Variants in TRAF3IP1 observed in about 807,000 individuals in gnomAD.
TRAF3IP1 encodes TRAF3-interacting protein 1.
In TRAF3IP1, 53 loss-of-function variants were observed where a neutral mutation model predicts 89.9. The ratio of observed to expected loss-of-function variants is 0.59; its 90% confidence interval spans 0.47 to 0.74. TRAF3IP1 has a LOEUF of 0.74. Ranked by LOEUF, TRAF3IP1 falls within the 30% of genes least tolerant of loss-of-function variation. TRAF3IP1 has a pLI of 0.00. For synonymous variants in TRAF3IP1, 311 were observed against 322.1 expected (o/e 0.97, Z 0.37); for missense variants, 806 against 866.1 (o/e 0.93, Z 0.87).
intron 3 of TRAF3IP1, among the ~76,000 whole-genome samples, chr2:238,327,460 G>A (rs929269787): frequency 4.6e-5 from 7 of 152,216 alleles, no homozygotes; most frequent in African/African-American, 1.7e-4. Context: ...GTGAGTCAGT[G>A]GGACTCCTGA....
chr2:238,371,627 C>T (rs59296449), intron 15 of TRAF3IP1, among the ~76,000 whole-genome samples: 2,236 of 152,266 alleles, frequency 0.015, 52 homozygotes, highest in African/African-American at 0.051. Flanking sequence ...GCGCAGTGGC[C>T]ACTCGCCCAT....
intron 15 of TRAF3IP1, among the ~76,000 whole-genome samples, chr2:238,362,736 A>G (rs1699715564): frequency 1.3e-5 from 2 of 152,232 alleles, no homozygotes; most frequent in African/African-American, 2.4e-5. Flanking sequence ...CATTATCACA[A>G]ACTAGAACGT....
At chr2:238,370,273 ATGTC>A (rs563297748) in intron 15 of TRAF3IP1, among the ~76,000 whole-genome samples, 65 of 151,350 alleles carry the variant, frequency 4.3e-4, no homozygotes, top group Admixed American at 9.2e-4. Flanking sequence ...GTCTATGTGA[ATGTC>A]TGTGTCTGTG....
intron 15 of TRAF3IP1, among the ~76,000 whole-genome samples, chr2:238,369,544 G>A (rs1700018983): frequency 6.6e-6 from 1 of 151,974 alleles, no homozygotes. Context: ...CTGGCCCCCG[G>A]TTTGGGTTTG....
chr2:238,320,714 C>T lies in TRAF3IP1; in HGVS notation c.52C>T (p.Arg18Trp), dbSNP rs1238300900. Residue 18 changes from arginine to tryptophan, a missense_variant, in exon 1 of 17, where the codon CGG (arginine) becomes TGG (tryptophan). Arg to Trp is a moderately radical substitution (Grantham distance 101). Transcript: ENST00000373327. ...RTQEALGKVI[R>W]RPPLTEKLLS... ...GCAGGAGGCGCTGGGGAAAGTGATT[C>T]GGAGGCCGCCGCTGACCGAGAAGCT... 9.7e-6 allele frequency: 14 copies of T among 1,446,670 alleles called. No homozygotes were observed. Among genetic ancestry groups the T allele is most frequent in the African/African-American group, 3.0e-5 (2 of 67,478 alleles). The allele number at this position is 1,446,670 out of a possible 1,614,324, so 89.6% of individuals were successfully genotyped here.
chr2:238,350,453 C>T (rs1699099602), intron 12 of TRAF3IP1, among the ~76,000 whole-genome samples: 1 of 152,036 alleles, frequency 6.6e-6, no homozygotes, highest in Non-Finnish European at 1.5e-5. Context: ...GTAAGAGGGT[C>T]TGGGGGAAGA....
intron 15 of TRAF3IP1, among the ~76,000 whole-genome samples, chr2:238,360,300 A>G (rs182839102): frequency 1.6e-3 from 247 of 152,330 alleles, no homozygotes; most frequent in Non-Finnish European, 3.0e-3. Context: ...GCTGAGGCAT[A>G]CGGTAAGTGT....
chr2:238,331,969 T>C (rs1035240674), intron 5 of TRAF3IP1, among the ~76,000 whole-genome samples: 2 of 152,216 alleles, frequency 1.3e-5, no homozygotes, highest in African/African-American at 4.8e-5. Context: ...GGTGAAATAG[T>C]AGATATGAAA....
chr2:238,344,711 G>T lies in TRAF3IP1; in HGVS notation c.1261+113G>T, dbSNP rs115488203. The T allele has an allele frequency of 3.5e-6, 3 of 868,114 alleles. No individual in the cohort carries two copies. The African/African-American group carries it at 5.0e-5, about 15-fold the overall frequency. The allele number at this position is 868,114 out of a possible 1,614,324, so 53.8% of individuals were successfully genotyped here. A position where few individuals can be genotyped will look rare whatever the true frequency, so the allele number is the denominator to read the frequency against. ...CGAGGTTTTCCTCTTGGGTCTGAAC[G>T]TGGCAAGTGATTCACAGTGATTCAC... is the stretch of plus-strand genomic sequence containing the variant. On this transcript the variant is annotated intron_variant, in intron 9 of 16. Transcript: ENST00000373327.
Position 238,372,850 on chromosome 2 carries a change from G to T in TRAF3IP1, c.1689+16770G>T, listed in dbSNP as rs184760218. ...TAACTGGCGTGAGATGGTATCTCAT[G>T]GTGGTTTTGATTTGCATTTTTCTGA... On this transcript the variant is annotated intron_variant, in intron 15 of 16. Coordinates refer to ENST00000373327, the MANE Select transcript of TRAF3IP1 (RefSeq NM_015650.4). Among the ~76,000 whole-genome samples, 72 of 152,244 alleles carry T rather than the reference G, an allele frequency of 4.7e-4. No individual in the cohort carries two copies. In the East Asian group the frequency reaches 0.013, roughly 27 times the overall value.
rs532934948 is a variant in TRAF3IP1 at position 238,361,747 on chromosome 2, G to A, written c.1689+5667G>A. Among the ~76,000 whole-genome samples the A allele has an allele frequency of 6.2e-4, 94 of 152,238 alleles. 3 individuals carry two copies. The South Asian group carries it at 0.017, about 28-fold the overall frequency. Reference sequence around the variant, plus strand: ...GTCTTGATTGTGAGTAAGTCTTTATGGCTTTATATAATTGTGGGATCAGTT... The same window carrying A: ...GTCTTGATTGTGAGTAAGTCTTTATAGCTTTATATAATTGTGGGATCAGTT... On this transcript the variant is annotated intron_variant, in intron 15 of 16. Transcript: ENST00000373327.
At chr2:238,386,786 C>G (rs1278193229) in intron 15 of TRAF3IP1, among the ~76,000 whole-genome samples, 2 of 152,164 alleles carry the variant, frequency 1.3e-5, no homozygotes, top group African/African-American at 4.8e-5. Flanking sequence ...TGATCTTTTG[C>G]CTTGACCACA....
intron 15 of TRAF3IP1, among the ~76,000 whole-genome samples, chr2:238,359,453 C>T (rs1465141092): frequency 1.3e-5 from 2 of 152,046 alleles, no homozygotes; most frequent in Non-Finnish European, 2.9e-5. Context: ...TAAATGGAAT[C>T]ATGTGATGTG....
At position 238,356,086 on chromosome 2, in the gene TRAF3IP1, GGAATGATTT is replaced by G. The variant is rs746403984; in HGVS notation, c.1689+7_1689+15del. The stretch of plus-strand genomic sequence containing the variant: ...CACCCAAACCTGGGGAGAAGGTAAT[GGAATGATTT>G]CCATAAACACTGGCATTTTAGCAGT... On this transcript the variant is annotated splice_region_variant and intron_variant, in intron 15 of 16. Coordinates refer to ENST00000373327, the MANE Select transcript of TRAF3IP1 (RefSeq NM_015650.4). 1 of 1,609,838 alleles carries G rather than the reference GGAATGATTT, an allele frequency of 6.2e-7. No individual in the cohort carries two copies. The highest frequency in any genetic ancestry group is 1.1e-5 in the South Asian group (1 of 90,840).
chr2:238,377,171 C>A (rs1262517666), intron 15 of TRAF3IP1, among the ~76,000 whole-genome samples: 1 of 151,026 alleles, frequency 6.6e-6, no homozygotes, highest in African/African-American at 2.4e-5. Flanking sequence ...AGGCCCTCTG[C>A]TAGAGTAGGA....
chr2:238,394,362 G>A (rs747222730), intron 15 of TRAF3IP1, among the ~76,000 whole-genome samples: 2 of 152,190 alleles, frequency 1.3e-5, no homozygotes, highest in African/African-American at 2.4e-5. Context: ...TTAAACATGC[G>A]TATCGGTTTG....
At chr2:238,392,040 C>T (rs1471272389) in intron 15 of TRAF3IP1, among the ~76,000 whole-genome samples, 2 of 152,044 alleles carry the variant, frequency 1.3e-5, no homozygotes, top group African/African-American at 4.8e-5. Context: ...AGAAATTAAA[C>T]GTTTGATATA....
Position 238,400,132 on chromosome 2 carries a change from G to A in TRAF3IP1, c.*1213G>A, listed in dbSNP as rs1243194190. 1 of 140,762 alleles carries A rather than the reference G, an allele frequency of 7.1e-6. No homozygotes were observed. The highest frequency in any genetic ancestry group is 2.6e-5 in the African/African-American group (1 of 37,766). 8.7% of individuals were successfully genotyped at this position (140,762 alleles called of 1,614,324 possible). A position where few individuals can be genotyped will look rare whatever the true frequency, so the allele number is the denominator to read the frequency against. ...TTTTTTTGAGATGGAGTCTTACTCT[G>A]TCGCCCAGGCTGGAGTGCAGTGGCG... is the stretch of plus-strand genomic sequence containing the variant. On this transcript the variant is annotated 3_prime_UTR_variant, in exon 17 of 17. Transcript: ENST00000373327.
At chr2:238,357,666 G>A (rs1336804045) in intron 15 of TRAF3IP1, among the ~76,000 whole-genome samples, 1 of 152,176 alleles carries the variant, frequency 6.6e-6, no homozygotes, top group African/African-American at 2.4e-5. Flanking sequence ...TTTCATTGAT[G>A]GAATGTTAAT....
Sources: gnomAD v4.1 joint callset for allele counts (sites outside exome capture counted in the v4.1 genomes callset) on GRCh38, gnomAD v4.1.1 for gene constraint, MANE v1.5 for transcripts, NCBI Gene and HGNC (gene_info 2026-07-23, HGNC 2026-07-21) for gene names.